Variants in EMID1 observed in about 807,000 individuals in gnomAD.
EMID1 encodes the protein EMI domain-containing protein 1.
EMID1 carries 40 observed loss-of-function variants against 60.6 expected under a neutral mutation model. The ratio of observed to expected loss-of-function variants is 0.66; its 90% CI spans 0.51 to 0.86. The LOEUF is 0.86. EMID1 is among the 40% of genes least tolerant of loss of function. The pLI, the probability that EMID1 is intolerant of heterozygous loss-of-function variation, is 0.00. For missense variants in EMID1, 585 were observed against 597.1 expected, an observed-to-expected ratio of 0.98 and a Z score of 0.21; for synonymous variants, 242 against 231.0, an observed-to-expected ratio of 1.05 and a Z score of -0.43.
intron 1 of EMID1, among the ~76,000 whole-genome samples, chr22:29,209,351 A>G (rs763501081): frequency 8.6e-5 from 13 of 151,946 alleles, no homozygotes; most frequent in Non-Finnish European, 1.8e-4. Context: ...CCAGGAGGGA[A>G]GTGCCGCCTC....
chr22:29,243,660 C>G (rs1363184275), intron 13 of EMID1, among the ~76,000 whole-genome samples, 171 bp downstream of exon 13: 1 of 152,252 alleles, frequency 6.6e-6, no homozygotes, highest in East Asian at 1.9e-4. Context: ...CTCCTTCCCC[C>G]ATCTTGTTGC....
chr22:29,233,979 A>C (rs775492504), intron 10 of EMID1, 158 bp from the exon 11 acceptor site: 65 of 780,998 alleles, frequency 8.3e-5, no homozygotes, highest in Non-Finnish European at 1.2e-4. Context: ...ATCTTTTAAC[A>C]CTGAGCTGTA....
chr22:29,225,273 G>A (rs990143440), intron 4 of EMID1, 57 bp downstream of exon 4: 20 of 1,579,028 alleles, frequency 1.3e-5, no homozygotes, highest in Middle Eastern at 1.7e-4. Context: ...CCTGGAGGGG[G>A]CTCAGGGCAG....
chr22:29,221,548 G>A (rs750692734), intron 3 of EMID1, among the ~76,000 whole-genome samples: 20 of 152,042 alleles, frequency 1.3e-4, no homozygotes, highest in Non-Finnish European at 2.4e-4. Flanking sequence ...CTAATTTTTT[G>A]TATTTTTAGT....
chr22:29,232,914 A>C, intron 8 of EMID1: 1 of 185,156 alleles, frequency 5.4e-6, no homozygotes, highest in Non-Finnish European at 1.1e-5. Flanking sequence ...CCTCTTCTCC[A>C]CTGTGTTTTT....
rs1181975784 is a variant in EMID1 at position 29,231,635 on chromosome 22, A to G, written c.629A>G (p.Lys210Arg). The G allele has an allele frequency of 6.7e-7, 1 of 1,500,040 alleles. No individual in the cohort carries two copies. Among genetic ancestry groups the G allele is most frequent in the Non-Finnish European group, 8.9e-7 (1 of 1,120,132 alleles). The allele number at this position is 1,500,040 out of a possible 1,614,324, so 92.9% of individuals were successfully genotyped here. The change falls in exon 7 of 15, where the codon AAG (lysine) becomes AGG (arginine). Residue 210 changes from lysine to arginine, a missense_variant. By Grantham distance (26) the Lys-to-Arg change is conservative. Transcript: ENST00000334018. ...GGGCTTCCCGGGCCCACCGGCCCCAAGGGAGATGCCGGCAGTCGGGGCCCA... is the reference window on the plus strand; with the variant it reads ...GGGCTTCCCGGGCCCACCGGCCCCAGGGGAGATGCCGGCAGTCGGGGCCCA... ...AWGLPGPTGPKGDAGSRGPMG... is the reference protein window; with the variant it reads ...AWGLPGPTGPRGDAGSRGPMG...
intron 12 of EMID1, among the ~76,000 whole-genome samples, chr22:29,240,379 T>C (rs2059303910): frequency 7.0e-6 from 1 of 141,936 alleles, no homozygotes; most frequent in Non-Finnish European, 1.6e-5. Context: ...GGCTTGCACG[T>C]CTGACATAAT....
Position 29,254,304 on chromosome 22 carries a change from A to G in EMID1, c.1204+17A>G. The stretch of plus-strand genomic sequence containing the variant: ...GGCTCTATGGTGAGTAGAGACAGAC[A>G]GACGGACAGACGGCCCAGCCCCTGC... On this transcript the variant is annotated intron_variant, in intron 14 of 14. Coordinates refer to ENST00000334018, the MANE Select transcript of EMID1 (RefSeq NM_133455.4). 1.2e-6 allele frequency: 2 copies of G among 1,609,626 alleles called. No individual in the cohort carries two copies. The highest frequency in any genetic ancestry group is 1.7e-6 in the Non-Finnish European group (2 of 1,175,946).
Position 29,259,299 on chromosome 22 carries a change from CA to C in EMID1, c.*356del. On this transcript the variant is annotated 3_prime_UTR_variant, in exon 15 of 15. Coordinates refer to ENST00000334018, the MANE Select transcript of EMID1 (RefSeq NM_133455.4). Reference sequence around the variant, plus strand: ...CTCGGCACATGCAGAGATGACAGGGCAGGGGGCAGTCTTCCTCCCCCTCCCC... The same window carrying C: ...CTCGGCACATGCAGAGATGACAGGGCGGGGGCAGTCTTCCTCCCCCTCCCC... The C allele has an allele frequency of 3.6e-6, 1 of 274,750 alleles. No individual in the cohort carries two copies. The highest frequency in any genetic ancestry group is 6.9e-6 in the Non-Finnish European group (1 of 145,338). The allele number at this position is 274,750 out of a possible 1,614,324, so 17.0% of individuals were successfully genotyped here.
At chr22:29,240,278 AACTAG>A (rs1429390024) in intron 12 of EMID1, among the ~76,000 whole-genome samples, 1 of 152,096 alleles carries the variant, frequency 6.6e-6, no homozygotes, top group Non-Finnish European at 1.5e-5. Context: ...TTCATGTGGA[AACTAG>A]AGGGAGCTGG....
intron 14 of EMID1, among the ~76,000 whole-genome samples, chr22:29,255,112 A>G (rs1388489510): frequency 1.3e-5 from 2 of 152,016 alleles, no homozygotes; most frequent in Non-Finnish European, 2.9e-5. Context: ...CCCTGTCCCC[A>G]CCATAGGAGG....
At chr22:29,218,168 C>G (rs574565825) in intron 3 of EMID1, among the ~76,000 whole-genome samples, 2 of 152,366 alleles carry the variant, frequency 1.3e-5, no homozygotes, top group South Asian at 2.1e-4. Flanking sequence ...CCTGCTCCCC[C>G]ACCGCCTACC....
At chr22:29,241,477 C>T (rs1016509046) in intron 12 of EMID1, among the ~76,000 whole-genome samples, 17 of 151,516 alleles carry the variant, frequency 1.1e-4, no homozygotes, top group Admixed American at 4.6e-4. Flanking sequence ...CAACCTCTAC[C>T]TCCCGGGTTC....
intron 13 of EMID1, among the ~76,000 whole-genome samples, chr22:29,250,733 A>ATTTTTTTTC (rs2041496625): frequency 4.4e-5 from 1 of 22,476 alleles, no homozygotes. Flanking sequence ...CACCCGGCTA[A>ATTTTTTTTC]TTTTTTTTTT....
intron 12 of EMID1, among the ~76,000 whole-genome samples, chr22:29,241,076 T>C (rs1183056733): frequency 6.6e-6 from 1 of 151,584 alleles, no homozygotes; most frequent in Non-Finnish European, 1.5e-5. Flanking sequence ...CTCCTTGAGG[T>C]AAAACTCATG....
rs182938652 is a variant in EMID1, at chr22:29,232,637, G to A, written c.823+235G>A. 2.1e-4 allele frequency: 105 copies of A among 493,260 alleles called. No homozygotes were observed. The East Asian group carries it at 3.5e-3, about 16-fold the overall frequency. The allele number at this position is 493,260 out of a possible 1,614,324, so 30.6% of individuals were successfully genotyped here. A position where few individuals can be genotyped will look rare whatever the true frequency, so the allele number is the denominator to read the frequency against. On this transcript the variant is annotated intron_variant, in intron 8 of 14. Transcript: ENST00000334018. The stretch of plus-strand genomic sequence containing the variant: ...CCCACAGCCTGGGCGTAGGGGAACG[G>A]CTTCAAACCCAGGCTGCCTCCAGAA...
intron 13 of EMID1, among the ~76,000 whole-genome samples, chr22:29,253,133 A>G (rs981811865): frequency 3.3e-5 from 5 of 152,190 alleles, no homozygotes; most frequent in Admixed American, 6.5e-5. Context: ...CGTAAGTTGA[A>G]AATATTGTAT....
chr22:29,243,522 C>A, intron 13 of EMID1, 33 bp downstream of exon 13: 1 of 1,613,284 alleles, frequency 6.2e-7, no homozygotes, highest in East Asian at 2.2e-5. Context: ...CCTCTCCCTG[C>A]CTTCTCAGCC....
At chr22:29,252,106 G>C (rs1227616350) in intron 13 of EMID1, among the ~76,000 whole-genome samples, 1 of 152,230 alleles carries the variant, frequency 6.6e-6, no homozygotes, top group Non-Finnish European at 1.5e-5. Context: ...ACTGTGCCTA[G>C]CGAAGGTCAT....
Sources: gnomAD v4.1 joint callset for allele counts (sites outside exome capture counted in the v4.1 genomes callset) on GRCh38, gnomAD v4.1.1 for gene constraint, MANE v1.5 for transcripts, NCBI Gene and HGNC (gene_info 2026-07-23, HGNC 2026-07-21) for gene names.